Variants in GLB1L3 observed in about 807,000 individuals in gnomAD.
GLB1L3 encodes beta-galactosidase-1-like protein 3.
Under a neutral mutation model 89.5 loss-of-function variants are expected in GLB1L3, and 89 were observed. The observed-to-expected ratio is 0.99, with a 90% confidence interval of 0.84 to 1.19. GLB1L3 has a LOEUF of 1.19. GLB1L3 is among the 50% of genes most tolerant of loss of function. The pLI is 0.00. For synonymous variants in GLB1L3, 314 were observed against 312.3 expected (o/e 1.01, Z -0.06); for missense variants, 812 against 813.3 (o/e 1.00, Z 0.02).
chr11:134,282,496 C>T (rs1940757391), intron 5 of GLB1L3, among the ~76,000 whole-genome samples: 1 of 152,180 alleles, frequency 6.6e-6, no homozygotes, highest in African/African-American at 2.4e-5. Context: ...AAGAAAGGGA[C>T]CAGAAGCTTT....
At chr11:134,294,961 G>C (rs1272026495) in intron 9 of GLB1L3, among the ~76,000 whole-genome samples, 2 of 152,170 alleles carry the variant, frequency 1.3e-5, no homozygotes, top group Non-Finnish European at 2.9e-5. Context: ...TGCATTCCTG[G>C]AATGAATCTC....
intron 7 of GLB1L3, 131 bp from the exon 8 acceptor site, chr11:134,292,001 T>TAA: frequency 1.5e-6 from 1 of 664,378 alleles, no homozygotes; most frequent in Non-Finnish European, 2.6e-6. Context: ...ATTAAAAAAG[T>TAA]AAAAACATAT....
At chr11:134,297,487 A>G (rs1169400413) in intron 9 of GLB1L3, among the ~76,000 whole-genome samples, 1 of 152,064 alleles carries the variant, frequency 6.6e-6, no homozygotes, top group Non-Finnish European at 1.5e-5. Flanking sequence ...GAGCTAATTA[A>G]TAATTTTTTG....
At chr11:134,322,488 G>A (rs183581270), downstream of GLB1L3, among the ~76,000 whole-genome samples, 175 of 152,202 alleles carry the variant, frequency 1.1e-3, 1 homozygote, top group East Asian at 1.7e-3. Context: ...ATATATTCAC[G>A]AGATTGTACC....
chr11:134,283,124 G>A (rs1052353522), intron 5 of GLB1L3, among the ~76,000 whole-genome samples: 3 of 151,938 alleles, frequency 2.0e-5, no homozygotes, highest in East Asian at 1.9e-4. Context: ...GTCCAGTGGC[G>A]CGATCTCGGC....
At chr11:134,281,521 C>G in intron 4 of GLB1L3, 76 bp downstream of exon 4, 2 of 1,441,960 alleles carry the variant, frequency 1.4e-6, no homozygotes, top group Non-Finnish European at 9.7e-7. Context: ...GATTAGCAAC[C>G]AAAGAGAACC....
intron 9 of GLB1L3, chr11:134,305,328 C>A: frequency 2.0e-6 from 1 of 490,266 alleles, no homozygotes; most frequent in Non-Finnish European, 3.6e-6. Flanking sequence ...ATGCTTCTTA[C>A]TTAGGAGAAA....
At chr11:134,318,550 T>G (rs1943076631) in intron 18 of GLB1L3, 81 bp from the exon 19 acceptor site, 4 of 789,662 alleles carry the variant, frequency 5.1e-6, no homozygotes, top group Admixed American at 4.1e-5. Context: ...ATCTCAATCT[T>G]GCTCTCACTC....
rs199737816 is a variant in GLB1L3, at chr11:134,277,439, C to T, written c.137C>T (p.Pro46Leu). Reference sequence around the variant, plus strand: ...AACTTCATGCTTGGAAGAGCGCATCCGTCCCAGCCTAGGTTTGCTTGAGAG... The same window carrying T: ...AACTTCATGCTTGGAAGAGCGCATCTGTCCCAGCCTAGGTTTGCTTGAGAG... ...EENFMLGRAH[P>L]SQPRFNWSHL... Residue 46 changes from proline (P) to leucine (L), a missense_variant, in exon 2 of 20, where the codon CCG becomes CTG. By Grantham distance (98) the Pro-to-Leu change is moderately conservative. This residue lies in a region of GLB1L3 where 191 missense variants were observed against 191.4 expected (regional missense o/e 1.00). Coordinates refer to ENST00000431683, the MANE Select transcript of GLB1L3 (RefSeq NM_001080407.3). 24 of 1,612,950 alleles carry T rather than the reference C, an allele frequency of 1.5e-5. No homozygotes were observed. The highest frequency in any genetic ancestry group is 2.0e-5 in the Non-Finnish European group (23 of 1,179,298).
intron 10 of GLB1L3, among the ~76,000 whole-genome samples, chr11:134,308,475 TACCACC>T (rs1223184668): frequency 4.9e-5 from 1 of 20,354 alleles, no homozygotes; most frequent in Non-Finnish European, 9.4e-5. Flanking sequence ...CACCACCAAA[TACCACC>T]ACCACCATCA....
the GLB1L3 span, among the ~76,000 whole-genome samples, chr11:134,325,196 A>C: frequency 1.3e-5 from 2 of 152,158 alleles, no homozygotes; most frequent in Admixed American, 1.3e-4. Flanking sequence ...ATAACATTTT[A>C]ATGTTTCACT....
At chr11:134,287,118 G>C (rs1941054943) in intron 6 of GLB1L3, 1 of 152,132 alleles carries the variant, frequency 6.6e-6, no homozygotes, top group Non-Finnish European at 1.5e-5. Flanking sequence ...CCAAGATGGC[G>C]CCACCGCACT....
chr11:134,312,211 C>CA, intron 13 of GLB1L3, 138 bp from the exon 14 acceptor site: 1 of 929,836 alleles, frequency 1.1e-6, no homozygotes, highest in Non-Finnish European at 1.6e-6. Flanking sequence ...AGAGCAGTGT[C>CA]ACATGGCATC....
chr11:134,319,804 A>G (rs929552214), downstream of GLB1L3, among the ~76,000 whole-genome samples: 1 of 151,674 alleles, frequency 6.6e-6, no homozygotes. Context: ...GGAGAGGGCA[A>G]TGAACAATGT....
At chr11:134,297,886 A>AAG (rs918769291) in intron 9 of GLB1L3, among the ~76,000 whole-genome samples, 1 of 149,212 alleles carries the variant, frequency 6.7e-6, no homozygotes, top group African/African-American at 2.4e-5. Flanking sequence ...AAAAGAAAGA[A>AAG]AGAGAGAAAA....
At chr11:134,294,675 T>G (rs1941539857) in intron 9 of GLB1L3, among the ~76,000 whole-genome samples, 3 of 152,228 alleles carry the variant, frequency 2.0e-5, no homozygotes, top group African/African-American at 7.2e-5. Context: ...GCCACCAGTC[T>G]TCTTTCCAGT....
At chr11:134,302,276 C>T (rs1224542271) in intron 9 of GLB1L3, among the ~76,000 whole-genome samples, 2 of 152,142 alleles carry the variant, frequency 1.3e-5, no homozygotes, top group Admixed American at 6.5e-5. Context: ...TAAGCATTTT[C>T]AGAGTGTAGG....
At chr11:134,276,816 G>A (rs1940391017) in intron 1 of GLB1L3, 53 bp downstream of exon 1, 7 of 1,345,624 alleles carry the variant, frequency 5.2e-6, no homozygotes, top group Non-Finnish European at 6.7e-6. Flanking sequence ...GCGCGTGCCC[G>A]GGAGCCTCCA....
chr11:134,324,980 A>T, the GLB1L3 span, among the ~76,000 whole-genome samples: 1 of 152,154 alleles, frequency 6.6e-6, no homozygotes, highest in Non-Finnish European at 1.5e-5. Context: ...CATATTTTCT[A>T]TACATTGTTG....
Sources: allele counts gnomAD v4.1 joint callset (sites outside exome capture counted in the v4.1 genomes callset), GRCh38; gene constraint gnomAD v4.1.1; regional missense constraint gnomAD v4.1.1; transcripts MANE v1.5; gene names NCBI Gene and HGNC (gene_info 2026-07-23, HGNC 2026-07-21).